ACTB: variants seen among roughly 807,000 people sequenced by gnomAD.
ACTB encodes actin beta.
In ACTB, 2 loss-of-function variants were observed where a neutral mutation model predicts 30.5. The observed-to-expected ratio is 0.07, with a 90% CI of 0.03 to 0.21. The LOEUF (loss-of-function observed/expected upper bound fraction) is 0.21, where lower values mean the gene tolerates loss of function less well. ACTB is among the 10% of genes least tolerant of loss of function. The pLI is 1.00. For missense variants in ACTB, 56 were observed against 530.0 expected, an observed-to-expected ratio of 0.11 and a Z score of 8.78; for synonymous variants, 335 against 217.6, an observed-to-expected ratio of 1.54 and a Z score of -4.75.
rs981001949 is a variant in ACTB, at chr7:5,530,506, T to C, written c.-7+18A>G. The C allele has an allele frequency of 4.0e-5, 6 of 150,872 alleles. No homozygotes were observed. The East Asian group carries it at 5.9e-4, about 15-fold the overall frequency. 9.3% of individuals were successfully genotyped at this position (150,872 alleles called of 1,614,324 possible). ...CCGGGCCGTGAGCCGCCTGCCCCGG[T>C]CGGCTGGCCGGGCTTACCTGGCGGC... is the stretch of plus-strand genomic sequence containing the variant. On this transcript the variant is annotated intron_variant, in intron 1 of 5. Coordinates refer to ENST00000646664, the MANE Select transcript of ACTB (RefSeq NM_001101.5).
At chr7:5,530,095 G>C (rs1049386832) in intron 1 of ACTB, 3 of 152,882 alleles carry the variant, frequency 2.0e-5, no homozygotes, top group Admixed American at 6.5e-5. Context: ...TTAGCGCCTT[G>C]AGTCCCAGCG....
chr7:5,529,826 C>T (rs771360541), intron 1 of ACTB, 163 bp from the exon 2 acceptor site: 19 of 1,186,078 alleles, frequency 1.6e-5, no homozygotes, highest in South Asian at 1.2e-4. Flanking sequence ...AAACACTGGT[C>T]GGAGGCGTCC....
At chr7:5,529,004 A>G in intron 3 of ACTB, 157 bp downstream of exon 3, 2 of 1,604,590 alleles carry the variant, frequency 1.2e-6, no homozygotes, top group African/African-American at 1.3e-5. Flanking sequence ...TCATCTGGGA[A>G]AAAGCAAATA....
At chr7:5,528,993 C>T in intron 3 of ACTB, 168 bp downstream of exon 3, 1 of 1,594,026 alleles carries the variant, frequency 6.3e-7, no homozygotes, top group South Asian at 1.1e-5. Context: ...AGAAAAAGAG[C>T]TCATCTGGGA....
In ACTB at chr7:5,529,530, C is replaced by G. The variant is rs751904821; in HGVS notation, c.123+5G>C. On this transcript the variant is annotated splice_donor_5th_base_variant and intron_variant, in intron 2 of 5. Coordinates refer to ENST00000646664, the MANE Select transcript of ACTB (RefSeq NM_001101.5). ...GGGGCTGCCCCACCCAGCCAGCTCC[C>G]CTACCTGGTGCCTGGGGCGCCCCAC... 12 of 1,610,974 alleles carry G rather than the reference C, an allele frequency of 7.4e-6. No individual in the cohort carries two copies. The South Asian group carries it at 1.1e-4, about 15-fold the overall frequency.
chr7:5,528,260 CG>C lies in ACTB; in HGVS notation c.802+20del. On this transcript the variant is annotated intron_variant, in intron 4 of 5. Transcript: ENST00000646664. ...GGGTAACCCTCATGTCAGGCAGAGC[CG>C]GGAGACAGTCTCCACTCACCCAGGA... 5 of 1,613,478 alleles carry C rather than the reference CG, an allele frequency of 3.1e-6. No homozygotes were observed. Among genetic ancestry groups the C allele is most frequent in the Non-Finnish European group, 4.2e-6 (5 of 1,179,434 alleles).
chr7:5,527,696 G>A lies in ACTB; in HGVS notation c.*52C>T, dbSNP rs1329812538. On this transcript the variant is annotated 3_prime_UTR_variant, in exon 6 of 6. Transcript: ENST00000646664. ...ATGCCAATCTCATCTTGTTTTCTGC[G>A]CAAGTTAGGTTTTGTCAAGAAAGGG... 1.5e-5 allele frequency: 24 copies of A among 1,610,640 alleles called. No homozygotes were observed. Among genetic ancestry groups the A allele is most frequent in the South Asian group, 6.6e-5 (6 of 90,968 alleles).
In ACTB at chr7:5,527,195, A is replaced by C. The variant is rs1206800541; in HGVS notation, c.*553T>G. On this transcript the variant is annotated 3_prime_UTR_variant, in exon 6 of 6. Coordinates refer to ENST00000646664, the MANE Select transcript of ACTB (RefSeq NM_001101.5). ...TATTCAACTGGTCTCAAGTCAGTGT[A>C]CAGGTAAGCCCTGGCTGCCTCCACC... 5.0e-6 allele frequency: 1 copy of C among 199,794 alleles called. No individual in the cohort carries two copies. The highest frequency in any genetic ancestry group is 2.4e-5 in the African/African-American group (1 of 41,642). The allele number at this position is 199,794 out of a possible 1,614,324, so 12.4% of individuals were successfully genotyped here.
At position 5,528,516 on chromosome 7, in the gene ACTB, G is replaced by C. The variant is rs1784813542; in HGVS notation, c.567C>G (p.Leu189=). The stretch of plus-strand genomic sequence containing the variant: ...AGCCGCGCTCGGTGAGGATCTTCAT[G>C]AGGTAGTCAGTCAGGTCCCGGCCAG... ...DLAGRDLTDY[L]MKILTERGYS... The change falls in exon 4 of 6, where the codon CTC becomes CTG. Residue 189 remains leucine (L), a synonymous_variant. Coordinates refer to ENST00000646664, the MANE Select transcript of ACTB (RefSeq NM_001101.5). 1 of 1,613,968 alleles carries C rather than the reference G, an allele frequency of 6.2e-7. No homozygotes were observed. The highest frequency in any genetic ancestry group is 1.3e-5 in the African/African-American group (1 of 74,948).
rs748819558 is a variant in ACTB at position 5,529,078 on chromosome 7, G to GA, written c.363+82dup. On this transcript the variant is annotated intron_variant, in intron 3 of 5. Coordinates refer to ENST00000646664, the MANE Select transcript of ACTB (RefSeq NM_001101.5). Reference sequence around the variant, plus strand: ...GAGAGTCCTACGGAAAACGGCAGAAGAGAGAACCAGTGAGAAAGGGCGCAG... The same window carrying GA: ...GAGAGTCCTACGGAAAACGGCAGAAGAAGAGAACCAGTGAGAAAGGGCGCAG... 467 of 1,613,374 alleles carry GA rather than the reference G, an allele frequency of 2.9e-4. No homozygotes were observed. The South Asian group carries it at 5.0e-3, about 17-fold the overall frequency.
At chr7:5,530,160 C>G (rs1366068274) in intron 1 of ACTB, among the ~76,000 whole-genome samples, 2 of 152,056 alleles carry the variant, frequency 1.3e-5, no homozygotes, top group Non-Finnish European at 2.9e-5. Context: ...GCCCAAAGGA[C>G]CAGCGCGCAC....
rs1784829102 is a variant in ACTB at position 5,529,164 on chromosome 7, G to C, written c.360C>G (p.Thr120=). 2 of 1,614,018 alleles carry C rather than the reference G, an allele frequency of 1.2e-6. No individual in the cohort carries two copies. Among genetic ancestry groups the C allele is most frequent in the South Asian group, 1.1e-5 (1 of 91,082 alleles). ...LNPKANREKM[T]QIMFETFNTP... ...GAAGAGGTAGCGGGCCACTCACCTGGGTCATCTTCTCGCGGTTGGCCTTGG... is the reference window on the plus strand; with the variant it reads ...GAAGAGGTAGCGGGCCACTCACCTGCGTCATCTTCTCGCGGTTGGCCTTGG... Residue 120 remains threonine, a synonymous_variant, in exon 3 of 6, where the codon ACC becomes ACG. Transcript: ENST00000646664.
At chr7:5,529,841 G>C (rs1315973734) in intron 1 of ACTB, 178 bp from the exon 2 acceptor site, 30 of 1,089,886 alleles carry the variant, frequency 2.8e-5, no homozygotes, top group Non-Finnish European at 3.8e-5. Context: ...GCGTCCCCGC[G>C]GCGCGCGGCA....
chr7:5,529,440 GCCCCCACC>G, intron 2 of ACTB, 40 bp from the exon 3 acceptor site: 2 of 1,613,602 alleles, frequency 1.2e-6, no homozygotes, highest in Non-Finnish European at 1.7e-6. Context: ...CACGGGCGCA[GCCCCCACC>G]CCGGAAACCG....
Position 5,529,290 on chromosome 7 carries a change from G to A in ACTB, c.234C>T (p.Asn78=). The change falls in exon 3 of 6, where the codon AAC becomes AAT. Residue 78 remains asparagine, a synonymous_variant. Coordinates refer to ENST00000646664, the MANE Select transcript of ACTB (RefSeq NM_001101.5). ...GCCAGATTTTCTCCATGTCGTCCCA[G>A]TTGGTGACGATGCCGTGCTCGATGG... ...KYPIEHGIVT[N]WDDMEKIWHH... is the part of the protein sequence containing the mutation. The A allele has an allele frequency of 6.2e-7, 1 of 1,614,086 alleles. No individual in the cohort carries two copies. Among genetic ancestry groups the A allele is most frequent in the South Asian group, 1.1e-5 (1 of 91,090 alleles).
In ACTB at chr7:5,527,560, G is replaced by A. The variant is rs1784790791; in HGVS notation, c.*188C>T. ...CTCGGCCACATTGTGAACTTTGGGG[G>A]ATGCTCGCTCCAACCGACTGCTGTC... On this transcript the variant is annotated 3_prime_UTR_variant, in exon 6 of 6. Coordinates refer to ENST00000646664, the MANE Select transcript of ACTB (RefSeq NM_001101.5). 1.1e-6 allele frequency: 1 copy of A among 897,980 alleles called. No homozygotes were observed. The highest frequency in any genetic ancestry group is 1.7e-6 in the Non-Finnish European group (1 of 596,492). The allele number at this position is 897,980 out of a possible 1,614,324, so 55.6% of individuals were successfully genotyped here. A position where few individuals can be genotyped will look rare whatever the true frequency, so the allele number is the denominator to read the frequency against.
chr7:5,529,096 G>A (rs143729583), intron 3 of ACTB, 65 bp downstream of exon 3: 5 of 1,613,564 alleles, frequency 3.1e-6, no homozygotes, highest in East Asian at 4.5e-5. Flanking sequence ...CAGTGAGAAA[G>A]GGCGCAGCTC....
intron 1 of ACTB, 113 bp from the exon 2 acceptor site, chr7:5,529,776 C>T: frequency 6.5e-7 from 1 of 1,532,010 alleles, no homozygotes; most frequent in South Asian, 1.1e-5. Flanking sequence ...AGATTGGGGA[C>T]AAAGGAAGCC....
intron 1 of ACTB, 123 bp from the exon 2 acceptor site, chr7:5,529,786 C>CG: frequency 6.7e-7 from 1 of 1,484,692 alleles, no homozygotes; most frequent in Non-Finnish European, 9.3e-7. Flanking sequence ...CAAAGGAAGC[C>CG]GGGCCGGCCG....
Sources: allele counts gnomAD v4.1 joint callset (sites outside exome capture counted in the v4.1 genomes callset), GRCh38; gene constraint gnomAD v4.1.1; transcripts MANE v1.5; gene names NCBI Gene and HGNC (gene_info 2026-07-23, HGNC 2026-07-21).